The following RANBP17 variants were observed in gnomAD, a reference collection of about 807,000 sequenced individuals.
RANBP17 encodes RAN binding protein 17.
A neutral mutation model predicts 141.2 loss-of-function variants in RANBP17; 158 were observed. The ratio of observed to expected loss-of-function variants is 1.12; its 90% confidence interval spans 0.98 to 1.28. The LOEUF (loss-of-function observed/expected upper bound fraction) is 1.28. Ranked by LOEUF, RANBP17 falls within the 50% of genes most tolerant of loss-of-function variation. The pLI is 0.00. For missense variants in RANBP17, 1,438 were observed against 1,290.7 expected, an observed-to-expected ratio of 1.11 and a Z score of -1.75; for synonymous variants, 430 against 450.0, an observed-to-expected ratio of 0.96 and a Z score of 0.56.
intron 14 of RANBP17, among the ~76,000 whole-genome samples, chr5:171,069,930 T>C (rs368948759): frequency 6.6e-6 from 1 of 152,136 alleles, no homozygotes; most frequent in African/African-American, 2.4e-5. Flanking sequence ...CTAAAAACGG[T>C]CTGCCAAACC....
At chr5:171,200,049 G>T (rs971535869) in intron 19 of RANBP17, among the ~76,000 whole-genome samples, 1 of 152,102 alleles carries the variant, frequency 6.6e-6, no homozygotes, top group East Asian at 1.9e-4. Context: ...GATATTTCTT[G>T]TGGGTACACC....
At chr5:171,265,192 G>A (rs1581147209) in intron 24 of RANBP17, among the ~76,000 whole-genome samples, 2 of 152,306 alleles carry the variant, frequency 1.3e-5, no homozygotes, top group East Asian at 3.9e-4. Flanking sequence ...TTATTTATGT[G>A]TCTCTAGGCC....
At chr5:171,093,320 T>G (rs1012248043) in intron 14 of RANBP17, among the ~76,000 whole-genome samples, 1 of 152,202 alleles carries the variant, frequency 6.6e-6, no homozygotes, top group Non-Finnish European at 1.5e-5. Context: ...TCTACTTTAT[T>G]TATTTATGTC....
At chr5:171,019,921 A>G (rs371875977) in intron 14 of RANBP17, among the ~76,000 whole-genome samples, 3 of 152,126 alleles carry the variant, frequency 2.0e-5, no homozygotes, top group African/African-American at 7.2e-5. Flanking sequence ...AGTGCTATAA[A>G]TTTCCCTCTC....
intron 14 of RANBP17, among the ~76,000 whole-genome samples, chr5:171,006,420 A>G (rs1779612394): frequency 6.6e-6 from 1 of 152,206 alleles, no homozygotes; most frequent in Admixed American, 6.5e-5. Context: ...GCAGCCATAA[A>G]AAATTATGAG....
At chr5:171,250,509 G>T (rs1262944052) in intron 24 of RANBP17, among the ~76,000 whole-genome samples, 2 of 151,996 alleles carry the variant, frequency 1.3e-5, no homozygotes, top group Admixed American at 6.6e-5. Flanking sequence ...AACATAAATG[G>T]ATTTAAATTA....
intron 3 of RANBP17, among the ~76,000 whole-genome samples, chr5:170,890,110 T>A (rs1332313002): frequency 6.6e-6 from 1 of 152,190 alleles, no homozygotes; most frequent in Non-Finnish European, 1.5e-5. Flanking sequence ...GTCTCCTATT[T>A]GTTTGTTTTA....
chr5:171,278,341 A>AC (rs1250303445), intron 25 of RANBP17, among the ~76,000 whole-genome samples: 1 of 151,910 alleles, frequency 6.6e-6, no homozygotes, highest in Admixed American at 6.6e-5. Context: ...ACATGGTGAA[A>AC]CCCCGTCTCT....
chr5:171,201,043 GC>G (rs1207849190), intron 19 of RANBP17, among the ~76,000 whole-genome samples: 1 of 152,210 alleles, frequency 6.6e-6, no homozygotes, highest in Admixed American at 6.5e-5. Context: ...TCAAAAAGGA[GC>G]AGTGAAGTTG....
At chr5:171,289,788 G>A (rs1348041973) in intron 25 of RANBP17, among the ~76,000 whole-genome samples, 2 of 152,112 alleles carry the variant, frequency 1.3e-5, no homozygotes, top group Admixed American at 6.6e-5. Flanking sequence ...CCAGCACCTC[G>A]GGAGGCCAAG....
chr5:171,213,568 G>T, intron 20 of RANBP17, 63 bp from the exon 21 acceptor site: 1 of 1,092,114 alleles, frequency 9.2e-7, no homozygotes, highest in Non-Finnish European at 1.4e-6. Flanking sequence ...TATGTGTGTG[G>T]CACTAATTTT....
rs1201658552 is a variant in RANBP17 at position 171,199,822 on chromosome 5, A to G, written c.2142+49A>G. The G allele has an allele frequency of 2.6e-6, 3 of 1,157,462 alleles. No homozygotes were observed. In the African/African-American group the frequency reaches 4.6e-5, roughly 18 times the overall value. The allele number at this position is 1,157,462 out of a possible 1,614,324, so 71.7% of individuals were successfully genotyped here. On this transcript the variant is annotated intron_variant, in intron 19 of 27. Coordinates refer to ENST00000523189, the MANE Select transcript of RANBP17 (RefSeq NM_022897.5). ...GAATGACAGTTTTGTTTTTTCTAGG[A>G]TATCTAGATCCAGAAAAGGGCTTTG...
At position 171,203,857 on chromosome 5, in the gene RANBP17, G is replaced by C. The variant is rs115201952; in HGVS notation, c.2143-1667G>C. Among the ~76,000 whole-genome samples, 1,143 of 152,212 alleles carry C rather than the reference G, an allele frequency of 7.5e-3. 14 individuals are homozygous for C. Among genetic ancestry groups the C allele is most frequent in the African/African-American group, 0.026 (1,081 of 41,538 alleles). On this transcript the variant is annotated intron_variant, in intron 19 of 27. Transcript: ENST00000523189. Reference sequence around the variant, plus strand: ...TTATTTGAAGCATAGCCTGAAACTTGTAAGTGTACCTAATAAAAATAGAAC... The same window carrying C: ...TTATTTGAAGCATAGCCTGAAACTTCTAAGTGTACCTAATAAAAATAGAAC...
chr5:171,105,021 C>T (rs1754686802), intron 14 of RANBP17, among the ~76,000 whole-genome samples: 1 of 152,036 alleles, frequency 6.6e-6, no homozygotes, highest in Non-Finnish European at 1.5e-5. Context: ...ATAAAATTTG[C>T]TTCTTAGCAT....
At chr5:170,884,476 A>G (rs1768980546) in intron 3 of RANBP17, among the ~76,000 whole-genome samples, 1 of 152,134 alleles carries the variant, frequency 6.6e-6, no homozygotes, top group Non-Finnish European at 1.5e-5. Flanking sequence ...GAAAGATAAA[A>G]TGTATTTACT....
chr5:170,977,773 T>A (rs1777485576), intron 14 of RANBP17, among the ~76,000 whole-genome samples: 1 of 152,062 alleles, frequency 6.6e-6, no homozygotes, highest in South Asian at 2.1e-4. Context: ...TTCCAGTGGT[T>A]TGAAATGTCT....
intron 1 of RANBP17, among the ~76,000 whole-genome samples, chr5:170,874,232 T>G (rs1438850747): frequency 6.6e-6 from 1 of 152,242 alleles, no homozygotes; most frequent in African/African-American, 2.4e-5. Flanking sequence ...TTGTATTTGC[T>G]GAGGAGTGCT....
At chr5:171,228,051 A>G (rs1763983927) in intron 22 of RANBP17, among the ~76,000 whole-genome samples, 1 of 152,246 alleles carries the variant, frequency 6.6e-6, no homozygotes, top group Admixed American at 6.5e-5. Context: ...CTAACACAAC[A>G]TGCATTCTGC....
chr5:171,170,077 T>C, intron 14 of RANBP17, 53 bp from the exon 15 acceptor site: 1 of 985,144 alleles, frequency 1.0e-6, no homozygotes, highest in Non-Finnish European at 1.5e-6. Flanking sequence ...GAATAGTCTT[T>C]TGAAAATATA....
Sources: allele counts gnomAD v4.1 joint callset (sites outside exome capture counted in the v4.1 genomes callset), GRCh38; gene constraint gnomAD v4.1.1; transcripts MANE v1.5; gene names NCBI Gene and HGNC (gene_info 2026-07-23, HGNC 2026-07-21).